Variants in MAP3K6 observed in about 807,000 individuals in gnomAD.
MAP3K6 encodes apoptosis signal-regulating kinase 2.
A neutral mutation model predicts 147.1 loss-of-function variants in MAP3K6; 105 were observed. That is an observed-to-expected ratio of 0.71 (90% CI 0.61 to 0.84). MAP3K6 has a LOEUF of 0.84. Ranked by LOEUF, MAP3K6 falls within the 40% of genes least tolerant of loss-of-function variation. MAP3K6 has a pLI of 0.00. For missense variants in MAP3K6, 1,569 were observed against 1,715.0 expected, an observed-to-expected ratio of 0.91 and a Z score of 1.50; for synonymous variants, 695 against 732.4, an observed-to-expected ratio of 0.95 and a Z score of 0.82.
chr1:27,360,023 T>C lies in MAP3K6; in HGVS notation c.2183-29A>G, dbSNP rs1571068020. 1 of 1,612,668 alleles carries C rather than the reference T, an allele frequency of 6.2e-7. No homozygotes were observed. The highest frequency in any genetic ancestry group is 1.3e-5 in the African/African-American group (1 of 74,920). On this transcript the variant is annotated intron_variant, in intron 16 of 28. Coordinates refer to ENST00000357582, the MANE Select transcript of MAP3K6 (RefSeq NM_004672.5). This position sits in a 1 kb window ranked among gnomAD's most constrained non-coding sequence, Gnocchi z 4.5. ...GGTGGGGACAGTCCAAGTTCATTCT[T>C]CCCACCCACTGGCTCCAGCCCACAT... is the stretch of plus-strand genomic sequence containing the variant.
rs140784694 is a variant in MAP3K6, at chr1:27,356,086, C to T, written c.3651G>A (p.Thr1217=). 4.3e-6 allele frequency: 7 copies of T among 1,614,006 alleles called. No individual in the cohort carries two copies. The highest frequency in any genetic ancestry group is 4.0e-5 in the African/African-American group (3 of 74,920). ...LAPEPPTALS[T]DQGLVQWLQE... is the part of the protein sequence containing the mutation. ...GTAGCCACTGCACCAGGCCCTGGTC[C>T]GTTGAAAGAGCAGCTGTCAAGAAGC... The change falls in exon 27 of 29, where the codon ACG becomes ACA. Residue 1217 remains threonine, a synonymous_variant. Coordinates refer to ENST00000357582, the MANE Select transcript of MAP3K6 (RefSeq NM_004672.5).
At chr1:27,355,563 G>A in intron 28 of MAP3K6, 94 bp from the exon 29 acceptor site, 2 of 1,577,748 alleles carry the variant, frequency 1.3e-6, no homozygotes, top group African/African-American at 1.3e-5. Context: ...CTGTCCCTAG[G>A]GGACCCAGGT....
In MAP3K6 at chr1:27,359,329, C is replaced by A. The variant is rs2015656630; in HGVS notation, c.2425+88G>T. 1 of 1,587,110 alleles carries A rather than the reference C, an allele frequency of 6.3e-7. No homozygotes were observed. The highest frequency in any genetic ancestry group is 1.7e-5 in the Admixed American group (1 of 59,174). On this transcript the variant is annotated intron_variant, in intron 18 of 28. Coordinates refer to ENST00000357582, the MANE Select transcript of MAP3K6 (RefSeq NM_004672.5). The surrounding 1 kb of genome is among the most constrained non-coding windows in gnomAD (Gnocchi z 4.4). ...TCCCCATTAGGACTCTAACTCCATG[C>A]CTAGGAGAAACCCCCTTCCCTGGAA...
chr1:27,358,091 G>A lies in MAP3K6; in HGVS notation c.2915+90C>T. On this transcript the variant is annotated intron_variant, in intron 21 of 28. Transcript: ENST00000357582. This position sits in a 1 kb window ranked among gnomAD's most constrained non-coding sequence, Gnocchi z 6.2. ...AATGCCACATTCACAAGTGGTCAAGGTGCCCAGGTCCCCAGGGAGGGCTTT... is the reference window on the plus strand; with the variant it reads ...AATGCCACATTCACAAGTGGTCAAGATGCCCAGGTCCCCAGGGAGGGCTTT... 1 of 1,516,136 alleles carries A rather than the reference G, an allele frequency of 6.6e-7. No homozygotes were observed. 93.9% of individuals were successfully genotyped at this position (1,516,136 alleles called of 1,614,324 possible).
In MAP3K6 at chr1:27,366,009, CT is replaced by C. The variant is rs2148062866; in HGVS notation, c.340+248del. Among the ~76,000 whole-genome samples the C allele has an allele frequency of 1.3e-5, 2 of 151,876 alleles. No homozygotes were observed. Among genetic ancestry groups the C allele is most frequent in the Non-Finnish European group, 2.9e-5 (2 of 67,916 alleles). On this transcript the variant is annotated intron_variant, in intron 1 of 28. Transcript: ENST00000357582. The surrounding 1 kb of genome is among the most constrained non-coding windows in gnomAD (Gnocchi z 5.5). ...GGGCACCGCTCCGACTGAAGGGTGCCTAAGCCCCAACCTCGAGCCCTAGAGC... is the reference window on the plus strand; with the variant it reads ...GGGCACCGCTCCGACTGAAGGGTGCCAAGCCCCAACCTCGAGCCCTAGAGC...
chr1:27,358,088 A>C lies in MAP3K6; in HGVS notation c.2915+93T>G. On this transcript the variant is annotated intron_variant, in intron 21 of 28. Coordinates refer to ENST00000357582, the MANE Select transcript of MAP3K6 (RefSeq NM_004672.5). The surrounding 1 kb of genome is among the most constrained non-coding windows in gnomAD (Gnocchi z 6.2). ...CCAAATGCCACATTCACAAGTGGTC[A>C]AGGTGCCCAGGTCCCCAGGGAGGGC... 1.3e-6 allele frequency: 2 copies of C among 1,516,172 alleles called. No individual in the cohort carries two copies. The highest frequency in any genetic ancestry group is 1.8e-6 in the Non-Finnish European group (2 of 1,135,102). The allele number at this position is 1,516,172 out of a possible 1,614,324, so 93.9% of individuals were successfully genotyped here.
chr1:27,357,288 T>G, intron 23 of MAP3K6, 112 bp downstream of exon 23: 1 of 1,437,304 alleles, frequency 7.0e-7, no homozygotes, highest in Non-Finnish European at 9.5e-7. Flanking sequence ...GCAGGCCTGA[T>G]CTTCACAGAG....
At position 27,364,322 on chromosome 1, in the gene MAP3K6, C is replaced by G; in HGVS notation, c.577G>C (p.Gly193Arg). 6.2e-7 allele frequency: 1 copy of G among 1,614,116 alleles called. No individual in the cohort carries two copies. The highest frequency in any genetic ancestry group is 8.5e-7 in the Non-Finnish European group (1 of 1,180,048). ...CCATCAGCCAGGCCCCGCAGAAGGC[C>G]TGCATCACCACACAGCACCCGACCA... ...ATGRVLCGDA[G>R]LLRGLADGLV... Residue 193 changes from glycine (G) to arginine (R), a missense_variant, in exon 4 of 29, where the codon GGC becomes CGC. Gly to Arg is a moderately radical substitution (Grantham distance 125). Transcript: ENST00000357582. This position sits in a 1 kb window ranked among gnomAD's most constrained non-coding sequence, Gnocchi z 4.4.
chr1:27,359,352 GAAA>G lies in MAP3K6; in HGVS notation c.2425+62_2425+64del. 6.2e-7 allele frequency: 1 copy of G among 1,610,476 alleles called. No individual in the cohort carries two copies. On this transcript the variant is annotated intron_variant, in intron 18 of 28. Transcript: ENST00000357582. The surrounding 1 kb of genome is among the most constrained non-coding windows in gnomAD (Gnocchi z 4.4). ...TGCCTAGGAGAAACCCCCTTCCCTGGAAAGTTCCAAGAGATCTTCTGCCCCAGG... is the reference window on the plus strand; with the variant it reads ...TGCCTAGGAGAAACCCCCTTCCCTGGGTTCCAAGAGATCTTCTGCCCCAGG...
chr1:27,358,909 C>T lies in MAP3K6; in HGVS notation c.2426-43G>A, dbSNP rs2015643197. The T allele has an allele frequency of 6.5e-6, 10 of 1,532,112 alleles. No homozygotes were observed. In the East Asian group the frequency reaches 2.3e-4, roughly 35 times the overall value. 94.9% of individuals were successfully genotyped at this position (1,532,112 alleles called of 1,614,324 possible). ...GCACCAATGCCCATCTAGGCTTCAT[C>T]ATGGGGTTGGAGCAGGGAGGGGAAT... On this transcript the variant is annotated intron_variant, in intron 18 of 28. Coordinates refer to ENST00000357582, the MANE Select transcript of MAP3K6 (RefSeq NM_004672.5). The surrounding 1 kb of genome is among the most constrained non-coding windows in gnomAD (Gnocchi z 6.2).
Position 27,366,243 on chromosome 1 carries a change from C to G in MAP3K6, c.340+15G>C. On this transcript the variant is annotated intron_variant, in intron 1 of 28. Transcript: ENST00000357582. The surrounding 1 kb of genome is among the most constrained non-coding windows in gnomAD (Gnocchi z 5.5). ...GAGTCCCGCCCGGATCCGGCCCCGC[C>G]CCCAGCGCTCTCACCCGCGTTGTAG... 7.6e-7 allele frequency: 1 copy of G among 1,310,818 alleles called. No individual in the cohort carries two copies. Among genetic ancestry groups the G allele is most frequent in the South Asian group, 2.1e-5 (1 of 47,848 alleles). 81.2% of individuals were successfully genotyped at this position (1,310,818 alleles called of 1,614,324 possible).
Position 27,360,308 on chromosome 1 carries a change from T to G in MAP3K6, c.2115A>C (p.Ile705=). ...GGCTAGCTGAGCCCAGATAGCGCACTATGTTCTTGTGGCGCAGGCGTCTGT... is the reference window on the plus strand; with the variant it reads ...GGCTAGCTGAGCCCAGATAGCGCACGATGTTCTTGTGGCGCAGGCGTCTGT... ...ALHRRLRHKN[I]VRYLGSASQG... Residue 705 remains isoleucine (I), a synonymous_variant, in exon 16 of 29, where the codon ATA becomes ATC. Coordinates refer to ENST00000357582, the MANE Select transcript of MAP3K6 (RefSeq NM_004672.5). The surrounding 1 kb of genome is among the most constrained non-coding windows in gnomAD (Gnocchi z 4.5). 2 of 1,614,070 alleles carry G rather than the reference T, an allele frequency of 1.2e-6. No individual in the cohort carries two copies. The highest frequency in any genetic ancestry group is 1.7e-6 in the Non-Finnish European group (2 of 1,179,988).
At position 27,360,641 on chromosome 1, in the gene MAP3K6, T is replaced by C; in HGVS notation, c.2054+64A>G. On this transcript the variant is annotated intron_variant, in intron 15 of 28. Coordinates refer to ENST00000357582, the MANE Select transcript of MAP3K6 (RefSeq NM_004672.5). The surrounding 1 kb of genome is among the most constrained non-coding windows in gnomAD (Gnocchi z 4.5). ...GCCCCGCCCACAGGAGCCGCTCCGC[T>C]CGTGGCCCGGCTCACTCGGCCCTCG... is the stretch of plus-strand genomic sequence containing the variant. 1.2e-5 allele frequency: 19 copies of C among 1,553,210 alleles called. No individual in the cohort carries two copies. Among genetic ancestry groups the C allele is most frequent in the Non-Finnish European group, 1.6e-5 (19 of 1,152,486 alleles).
In MAP3K6 at chr1:27,356,707, C is replaced by T; in HGVS notation, c.3407G>A (p.Ser1136Asn). 2 of 1,600,920 alleles carry T rather than the reference C, an allele frequency of 1.2e-6. No homozygotes were observed. The highest frequency in any genetic ancestry group is 2.2e-5 in the East Asian group (1 of 44,752). Reference sequence around the variant, plus strand: ...GCTCTGCTGGGAGTCCCCTTCATTACTCAGCTCCTCTGACCTCGGTGAGAC... The same window carrying T: ...GCTCTGCTGGGAGTCCCCTTCATTATTCAGCTCCTCTGACCTCGGTGAGAC... ...EAVSPRSEELSNEGDSQQSPG... is the reference protein window; with the variant it reads ...EAVSPRSEELNNEGDSQQSPG... The change falls in exon 25 of 29, where the codon AGT becomes AAT. Residue 1136 changes from serine to asparagine, a missense_variant. Transcript: ENST00000357582.
intron 6 of MAP3K6, 101 bp downstream of exon 6, chr1:27,363,341 C>T: frequency 2.0e-6 from 2 of 1,007,148 alleles, no homozygotes; most frequent in East Asian, 2.5e-5. Context: ...AGCAAATTCC[C>T]CGAACAGCAG....
At position 27,366,126 on chromosome 1, in the gene MAP3K6, G is replaced by T; in HGVS notation, c.340+132C>A. On this transcript the variant is annotated intron_variant, in intron 1 of 28. Transcript: ENST00000357582. This position sits in a 1 kb window ranked among gnomAD's most constrained non-coding sequence, Gnocchi z 5.5. ...TCACGGCCCTGTCCCAAGCCCTTCA[G>T]CTTTAGCTCACTTTAAGTCCCCTAG... 9.9e-7 allele frequency: 1 copy of T among 1,005,160 alleles called. No homozygotes were observed. Among genetic ancestry groups the T allele is most frequent in the Non-Finnish European group, 1.3e-6 (1 of 782,372 alleles). The allele number at this position is 1,005,160 out of a possible 1,614,324, so 62.3% of individuals were successfully genotyped here.
Position 27,357,654 on chromosome 1 carries a change from T to C in MAP3K6, c.3081+57A>G. Reference sequence around the variant, plus strand: ...GCCGCGGAGGTAGGGGGCGGGGACATCAACAGGTGTCCTGACCCTTTGCGA... The same window carrying C: ...GCCGCGGAGGTAGGGGGCGGGGACACCAACAGGTGTCCTGACCCTTTGCGA... On this transcript the variant is annotated intron_variant, in intron 22 of 28. Coordinates refer to ENST00000357582, the MANE Select transcript of MAP3K6 (RefSeq NM_004672.5). The C allele has an allele frequency of 8.8e-6, 14 of 1,590,710 alleles. No individual in the cohort carries two copies. The South Asian group carries it at 1.6e-4, about 18-fold the overall frequency.
chr1:27,362,803 C>A, intron 7 of MAP3K6, 48 bp downstream of exon 7: 1 of 1,611,290 alleles, frequency 6.2e-7, no homozygotes, highest in Non-Finnish European at 8.5e-7. Context: ...CACAGCACCA[C>A]CCCTCATCTC....
In MAP3K6 at chr1:27,356,714, C is replaced by T. The variant is rs1262482340; in HGVS notation, c.3400G>A (p.Glu1134Lys). Reference sequence around the variant, plus strand: ...TGGGAGTCCCCTTCATTACTCAGCTCCTCTGACCTCGGTGAGACCGCCTCC... The same window carrying T: ...TGGGAGTCCCCTTCATTACTCAGCTTCTCTGACCTCGGTGAGACCGCCTCC... Reference protein sequence around the residue: ...EKEAVSPRSEELSNEGDSQQS... With the variant: ...EKEAVSPRSEKLSNEGDSQQS... Residue 1134 changes from glutamate (E) to lysine (K), a missense_variant, in exon 25 of 29, where the codon GAG becomes AAG. Glu to Lys is a moderately conservative substitution (Grantham distance 56, BLOSUM62 1). Transcript: ENST00000357582. The T allele has an allele frequency of 1.9e-6, 3 of 1,592,992 alleles. No individual in the cohort carries two copies. Among genetic ancestry groups the T allele is most frequent in the African/African-American group, 2.7e-5 (2 of 74,196 alleles).
Sources: allele counts gnomAD v4.1 joint callset (sites outside exome capture counted in the v4.1 genomes callset), GRCh38; gene constraint gnomAD v4.1.1; non-coding constraint Gnocchi (gnomAD v3.1); transcripts MANE v1.5; gene names NCBI Gene and HGNC (gene_info 2026-07-23, HGNC 2026-07-21).